C16orf46: variants seen among roughly 807,000 people sequenced by gnomAD.
The protein encoded by C16orf46 is uncharacterized protein C16orf46.
A neutral mutation model predicts 5.5 loss-of-function variants in C16orf46; 7 were observed. That is an observed-to-expected ratio of 1.28 (90% CI 0.73 to 2.40). C16orf46 has a LOEUF of 2.40. Ranked by LOEUF, C16orf46 falls within the 30% of genes most tolerant of loss-of-function variation. C16orf46 has a pLI of 0.00. For synonymous variants in C16orf46, 200 were observed against 184.1 expected (o/e 1.09, Z -0.70); for missense variants, 614 against 476.0 (o/e 1.29, Z -2.70).
chr16:81,062,693 T>C (rs1434831192), intron 3 of C16orf46, among the ~76,000 whole-genome samples: 1 of 152,074 alleles, frequency 6.6e-6, no homozygotes, highest in Non-Finnish European at 1.5e-5. Context: ...TACCCAGGGA[T>C]ACCTACTCCC....
rs550087932 is a variant in C16orf46 at position 81,053,855 on chromosome 16, T to A, written c.*216A>T. The A allele has an allele frequency of 5.1e-5, 26 of 505,234 alleles. No individual in the cohort carries two copies. The East Asian group carries it at 6.2e-4, about 12-fold the overall frequency. The allele number at this position is 505,234 out of a possible 1,614,324, so 31.3% of individuals were successfully genotyped here. ...ATATAACCTCTTTTTGGGGGCCGGG[T>A]TGGGGAGACCTAAAAGAGCGAGCCG... On this transcript the variant is annotated 3_prime_UTR_variant, in exon 4 of 4. Coordinates refer to the C16orf46 transcript ENST00000378611.
At chr16:81,062,174 G>A (rs763850964) in intron 3 of C16orf46, 36 bp from the exon 4 acceptor site, 3 of 1,520,866 alleles carry the variant, frequency 2.0e-6, no homozygotes, top group East Asian at 4.5e-5. Flanking sequence ...CTCCAGCTGA[G>A]GGGCCCAAAC....
rs183968808 is a variant in C16orf46 at position 81,053,927 on chromosome 16, T to C, written c.*144A>G. The C allele has an allele frequency of 1.1e-5, 9 of 826,678 alleles. No individual in the cohort carries two copies. In the East Asian group the frequency reaches 1.8e-4, roughly 16 times the overall value. The allele number at this position is 826,678 out of a possible 1,614,324, so 51.2% of individuals were successfully genotyped here. A position where few individuals can be genotyped will look rare whatever the true frequency, so the allele number is the denominator to read the frequency against. ...AAGACCTTGCTCCAAACGTGGCGTC[T>C]TCTTACTGCTTCTGCTTGCAGCGTT... On this transcript the variant is annotated 3_prime_UTR_variant, in exon 4 of 4. Transcript: ENST00000378611.
At chr16:81,062,690 G>A (rs2151750149) in intron 3 of C16orf46, among the ~76,000 whole-genome samples, 1 of 152,066 alleles carries the variant, frequency 6.6e-6, no homozygotes, top group East Asian at 1.9e-4. Context: ...GCGTACCCAG[G>A]GATACCTACT....
downstream of C16orf46, among the ~76,000 whole-genome samples, chr16:81,056,867 C>G (rs866351752): frequency 6.6e-6 from 1 of 152,110 alleles, no homozygotes; most frequent in South Asian, 2.1e-4. Context: ...TTCACACCTG[C>G]ACCAAGGCAC....
In C16orf46 at chr16:81,061,851, C is replaced by A. The variant is rs781747558; in HGVS notation, c.498G>T (p.Lys166Asn). The A allele has an allele frequency of 1.9e-6, 3 of 1,614,196 alleles. No homozygotes were observed. The highest frequency in any genetic ancestry group is 2.5e-6 in the Non-Finnish European group (3 of 1,180,028). The change falls in exon 4 of 4, where the codon AAG becomes AAT. Residue 166 changes from lysine to asparagine, a missense_variant. By Grantham distance (94) the Lys-to-Asn change is moderately conservative (BLOSUM62 0). Coordinates refer to ENST00000299578, the MANE Select transcript of C16orf46 (RefSeq NM_152337.3). ...FRAEKKSLQI[K>N]EFIWCNKDWA... Reference sequence around the variant, plus strand: ...AGTCTTTGTTGCACCAAATAAACTCCTTGATTTGCAGACTTTTTTTCTCTG... The same window carrying A: ...AGTCTTTGTTGCACCAAATAAACTCATTGATTTGCAGACTTTTTTTCTCTG...
At chr16:81,058,532 C>A (rs975988991), downstream of C16orf46, among the ~76,000 whole-genome samples, 3 of 152,186 alleles carry the variant, frequency 2.0e-5, no homozygotes, top group African/African-American at 7.2e-5. Context: ...AAGCAAGGAG[C>A]ACCTTAGTTG....
downstream of C16orf46, among the ~76,000 whole-genome samples, chr16:81,059,335 A>AC (rs1165272950): frequency 2.6e-5 from 4 of 151,566 alleles, no homozygotes; most frequent in Admixed American, 2.0e-4. Context: ...AAAAAAAAAA[A>AC]AAAAAAACCC....
chr16:81,061,038 A>G lies in C16orf46; in HGVS notation c.*123T>C. The G allele has an allele frequency of 7.2e-7, 1 of 1,396,290 alleles. No homozygotes were observed. Among genetic ancestry groups the G allele is most frequent in the Non-Finnish European group, 9.4e-7 (1 of 1,061,548 alleles). 86.5% of individuals were successfully genotyped at this position (1,396,290 alleles called of 1,614,324 possible). A position where few individuals can be genotyped will look rare whatever the true frequency, so the allele number is the denominator to read the frequency against. On this transcript the variant is annotated 3_prime_UTR_variant, in exon 4 of 4. Transcript: ENST00000299578. Reference sequence around the variant, plus strand: ...AAAAAATGGAGGAAAAGAAGAGTAAAGACAGACTGACGGGGAGGAGAGAAA... The same window carrying G: ...AAAAAATGGAGGAAAAGAAGAGTAAGGACAGACTGACGGGGAGGAGAGAAA...
rs769864952 is a variant in C16orf46, at chr16:81,061,291, T to G, written c.1058A>C (p.His353Pro). 4 of 1,614,126 alleles carry G rather than the reference T, an allele frequency of 2.5e-6. No homozygotes were observed. The highest frequency in any genetic ancestry group is 3.4e-6 in the Non-Finnish European group (4 of 1,180,020). Reference sequence around the variant, plus strand: ...TTCCTGCTTGGCCTTTGGGAGAACATGCTTTCGGGTGATCACAGGAGATCT... The same window carrying G: ...TTCCTGCTTGGCCTTTGGGAGAACAGGCTTTCGGGTGATCACAGGAGATCT... The part of the protein sequence containing the change: ...EPRSPVITRK[H>P]VLPKAKQENR... Residue 353 changes from histidine to proline, a missense_variant, in exon 4 of 4, where the codon CAT becomes CCT. Transcript: ENST00000299578.
intron 1 of C16orf46, chr16:81,069,995 G>A (rs1971792919): frequency 6.6e-6 from 1 of 152,094 alleles, no homozygotes; most frequent in African/African-American, 2.4e-5. Context: ...GCATGGTGAT[G>A]GCCGCCTACA....
chr16:81,058,055 A>G (rs1411645703), downstream of C16orf46: 1 of 174,272 alleles, frequency 5.7e-6, no homozygotes, highest in Non-Finnish European at 1.2e-5. Context: ...AAAACAAAAC[A>G]AAACAAAACC....
At chr16:81,060,044 T>TC (rs543300115), downstream of C16orf46, among the ~76,000 whole-genome samples, 219 of 152,122 alleles carry the variant, frequency 1.4e-3, no homozygotes, top group African/African-American at 5.1e-3. Flanking sequence ...CGCCTCAGCC[T>TC]CCCAAAGTGC....
chr16:81,060,465 T>G (rs1043696182), downstream of C16orf46: 1 of 152,432 alleles, frequency 6.6e-6, no homozygotes. Flanking sequence ...TGCGCCACCA[T>G]GCCCGGCTAA....
At chr16:81,074,860 C>A (rs1275542558) in intron 1 of C16orf46, among the ~76,000 whole-genome samples, 1 of 152,048 alleles carries the variant, frequency 6.6e-6, no homozygotes, top group Non-Finnish European at 1.5e-5. Flanking sequence ...CCAAATGCAT[C>A]AGATCCTTGT....
intron 1 of C16orf46, among the ~76,000 whole-genome samples, chr16:81,066,592 A>G (rs557596867): frequency 3.3e-4 from 51 of 152,358 alleles, no homozygotes; most frequent in African/African-American, 1.2e-3. Flanking sequence ...CCAAGAATCA[A>G]TAGATCAAAG....
rs1030449049 is a variant in C16orf46, at chr16:81,066,282, C to G, written c.-127-1G>C. The G allele has an allele frequency of 6.6e-6, 1 of 151,974 alleles. No individual in the cohort carries two copies. Among genetic ancestry groups the G allele is most frequent in the Admixed American group, 6.6e-5 (1 of 15,208 alleles). The allele number at this position is 151,974 out of a possible 1,614,324, so 9.4% of individuals were successfully genotyped here. A position where few individuals can be genotyped will look rare whatever the true frequency, so the allele number is the denominator to read the frequency against. On this transcript the variant is annotated splice_acceptor_variant, in intron 1 of 3. Coordinates refer to ENST00000299578, the MANE Select transcript of C16orf46 (RefSeq NM_152337.3). LOFTEE classifies it low-confidence loss of function (5UTR_SPLICE). ...TAAAAGAGAATATTGGGGTCTTTTC[C>G]TAATTAAAAAGAAATTCAGTTAGTG... is the stretch of plus-strand genomic sequence containing the variant.
chr16:81,059,798 T>A (rs901341973), downstream of C16orf46, among the ~76,000 whole-genome samples: 1 of 152,022 alleles, frequency 6.6e-6, no homozygotes, highest in African/African-American at 2.4e-5. Context: ...AAAGATTTTT[T>A]TTTTTTTTGA....
chr16:81,061,725 G>C lies in C16orf46; in HGVS notation c.624C>G (p.Leu208=). The change falls in exon 4 of 4, where the codon CTC becomes CTG. Residue 208 remains leucine (L), a synonymous_variant. Transcript: ENST00000299578. ...SIPGPLTSRA[L]LVLPPLKASL... Reference sequence around the variant, plus strand: ...AAGCCTTCAGGGGAGGCAGAACTAGGAGGGCCCTGGAAGTCAGGGGGCCTG... The same window carrying C: ...AAGCCTTCAGGGGAGGCAGAACTAGCAGGGCCCTGGAAGTCAGGGGGCCTG... 1 of 1,614,020 alleles carries C rather than the reference G, an allele frequency of 6.2e-7. No individual in the cohort carries two copies. The highest frequency in any genetic ancestry group is 8.5e-7 in the Non-Finnish European group (1 of 1,180,050).
Sources: allele counts gnomAD v4.1 joint callset (sites outside exome capture counted in the v4.1 genomes callset), GRCh38; gene constraint gnomAD v4.1.1; transcripts MANE v1.5; gene names NCBI Gene and HGNC (gene_info 2026-07-23, HGNC 2026-07-21).